CRY1: variants seen among roughly 807,000 people sequenced by gnomAD.
The protein encoded by CRY1 is cryptochrome-1.
A neutral mutation model predicts 76.0 loss-of-function variants in CRY1; 45 were observed. That is an observed-to-expected ratio of 0.59 (90% CI 0.47 to 0.76). CRY1 has a LOEUF of 0.76. Ranked by LOEUF, CRY1 falls within the 30% of genes least tolerant of loss-of-function variation. CRY1 has a pLI of 0.00. For missense variants in CRY1, 587 were observed against 716.4 expected (o/e 0.82, Z 2.06); for synonymous variants, 248 against 244.0 (o/e 1.02, Z -0.15).
At chr12:107,066,043 G>A (rs1404295108) in intron 1 of CRY1, among the ~76,000 whole-genome samples, 1 of 152,240 alleles carries the variant, frequency 6.6e-6, no homozygotes, top group East Asian at 1.9e-4. Flanking sequence ...AGTATCATAA[G>A]GCTCATTCTG....
chr12:107,026,398 T>C (rs1952616149), intron 1 of CRY1, among the ~76,000 whole-genome samples: 1 of 151,070 alleles, frequency 6.6e-6, no homozygotes, highest in Admixed American at 6.6e-5. Flanking sequence ...CCCTGGCTAA[T>C]TATTTTTGTA....
intron 1 of CRY1, among the ~76,000 whole-genome samples, chr12:107,090,445 T>G (rs984950547): frequency 6.6e-5 from 10 of 152,236 alleles, no homozygotes; most frequent in African/African-American, 2.2e-4. Flanking sequence ...ACATTACTAG[T>G]GGCTCCTTCG....
intron 1 of CRY1, among the ~76,000 whole-genome samples, chr12:107,022,951 A>T (rs1952574630): frequency 6.6e-6 from 1 of 152,134 alleles, no homozygotes. Flanking sequence ...TATCTAGGAA[A>T]ATTCTGGGGC....
chr12:107,036,850 C>T (rs1952738565), intron 1 of CRY1, among the ~76,000 whole-genome samples: 2 of 152,070 alleles, frequency 1.3e-5, no homozygotes, highest in South Asian at 4.1e-4. Flanking sequence ...GGTCATTGCT[C>T]AAAGGTCATC....
At chr12:107,061,821 T>C (rs952511219) in intron 1 of CRY1, among the ~76,000 whole-genome samples, 1 of 152,094 alleles carries the variant, frequency 6.6e-6, no homozygotes, top group Non-Finnish European at 1.5e-5. Flanking sequence ...ATCAAAATTA[T>C]CCAATGCTGG....
At chr12:107,046,546 T>A (rs1952851361) in intron 1 of CRY1, among the ~76,000 whole-genome samples, 1 of 152,144 alleles carries the variant, frequency 6.6e-6, no homozygotes, top group Non-Finnish European at 1.5e-5. Flanking sequence ...GTAATAACCT[T>A]GAATAATAAA....
At chr12:107,048,190 C>T (rs1952871952) in intron 1 of CRY1, among the ~76,000 whole-genome samples, 1 of 151,886 alleles carries the variant, frequency 6.6e-6, no homozygotes, top group Non-Finnish European at 1.5e-5. Flanking sequence ...AAGCAATTCT[C>T]CTGCCTCAGA....
At chr12:107,026,683 C>T (rs889413427) in intron 1 of CRY1, among the ~76,000 whole-genome samples, 1 of 151,874 alleles carries the variant, frequency 6.6e-6, no homozygotes, top group Non-Finnish European at 1.5e-5. Context: ...GGATTAGGAG[C>T]CTCATAAAAT....
At chr12:107,078,485 A>G (rs766069383) in intron 1 of CRY1, among the ~76,000 whole-genome samples, 38 of 152,032 alleles carry the variant, frequency 2.5e-4, no homozygotes, top group Non-Finnish European at 1.2e-4. Context: ...CGCCTCCTTC[A>G]CCAGCTCCTA....
chr12:107,025,685 G>A (rs932902831), intron 1 of CRY1, among the ~76,000 whole-genome samples: 1 of 151,940 alleles, frequency 6.6e-6, no homozygotes, highest in Non-Finnish European at 1.5e-5. Flanking sequence ...AAATAGATCT[G>A]CCTACTAACA....
At chr12:107,026,266 C>T (rs1952615109) in intron 1 of CRY1, among the ~76,000 whole-genome samples, 1 of 147,120 alleles carries the variant, frequency 6.8e-6, no homozygotes, top group Non-Finnish European at 1.5e-5. Context: ...CAGTCTTGTT[C>T]TGTCATCCAG....
chr12:107,024,597 G>T (rs546260315), intron 1 of CRY1, among the ~76,000 whole-genome samples: 2 of 152,090 alleles, frequency 1.3e-5, no homozygotes, highest in South Asian at 4.2e-4. Flanking sequence ...GGCTGGTCTC[G>T]AACTCCTGGC....
intron 1 of CRY1, among the ~76,000 whole-genome samples, chr12:107,069,009 T>C (rs1439795227): frequency 6.6e-6 from 1 of 152,220 alleles, no homozygotes. Context: ...TGATTGTGAA[T>C]AGTGCTGCTA....
intron 1 of CRY1, among the ~76,000 whole-genome samples, chr12:107,076,176 A>G (rs557679837): frequency 2.8e-4 from 43 of 152,166 alleles, no homozygotes; most frequent in Admixed American, 3.9e-4. Flanking sequence ...AGAAGTGAGC[A>G]AAAGAACTCA....
intron 1 of CRY1, among the ~76,000 whole-genome samples, chr12:107,050,595 G>C (rs1009482055): frequency 2.0e-5 from 3 of 152,190 alleles, no homozygotes; most frequent in Non-Finnish European, 4.4e-5. Flanking sequence ...CTCAACAGAA[G>C]CAAGTGTTAG....
intron 1 of CRY1, among the ~76,000 whole-genome samples, chr12:107,092,402 CTA>C (rs1203040189): frequency 1.3e-4 from 20 of 152,188 alleles, no homozygotes; most frequent in African/African-American, 4.8e-4. Flanking sequence ...TTTCTCCATA[CTA>C]TGAGTTACCT....
At chr12:107,016,327 TAAAAC>T (rs1012275632) in intron 2 of CRY1, among the ~76,000 whole-genome samples, 7 of 151,578 alleles carry the variant, frequency 4.6e-5, no homozygotes, top group South Asian at 2.1e-4. Flanking sequence ...AAAAATAAAA[TAAAAC>T]AAAACAAAAG....
chr12:107,062,408 T>A (rs1273046619), intron 1 of CRY1, among the ~76,000 whole-genome samples: 2 of 152,312 alleles, frequency 1.3e-5, no homozygotes, highest in Middle Eastern at 3.4e-3. Context: ...TTTTTCTGAA[T>A]AAAACAATGT....
intron 1 of CRY1, among the ~76,000 whole-genome samples, chr12:107,071,364 TCTA>T (rs1953188981): frequency 1.3e-5 from 2 of 152,254 alleles, no homozygotes; most frequent in Admixed American, 1.3e-4. Context: ...TATACTCTGA[TCTA>T]CTAATATAAT....
Sources: gnomAD v4.1 joint callset for allele counts (sites outside exome capture counted in the v4.1 genomes callset) on GRCh38, gnomAD v4.1.1 for gene constraint, MANE v1.5 for transcripts, NCBI Gene and HGNC (gene_info 2026-07-23, HGNC 2026-07-21) for gene names.